Variants in PDE1A observed in about 807,000 individuals in gnomAD.
The protein encoded by PDE1A is phosphodiesterase 1A.
A neutral mutation model predicts 61.7 loss-of-function variants in PDE1A; 35 were observed. That is an observed-to-expected ratio of 0.57 (90% CI 0.43 to 0.75). The LOEUF is 0.75. Ranked by LOEUF, PDE1A falls within the 30% of genes least tolerant of loss-of-function variation. The pLI, the probability that PDE1A is intolerant of heterozygous loss-of-function variation, is 0.00. For synonymous variants in PDE1A, 232 were observed against 213.2 expected, an observed-to-expected ratio of 1.09 and a Z score of -0.77; for missense variants, 597 against 630.6, an observed-to-expected ratio of 0.95 and a Z score of 0.57.
chr2:182,266,897 T>A (rs1257614747), intron 1 of PDE1A, among the ~76,000 whole-genome samples: 1 of 152,144 alleles, frequency 6.6e-6, no homozygotes, highest in Non-Finnish European at 1.5e-5. Context: ...TCCACCTGAA[T>A]GAAATCGCCC....
At chr2:182,454,939 A>C (rs9753060) in intron 2 of PDE1A, among the ~76,000 whole-genome samples, 28,452 of 138,890 alleles carry the variant, frequency 0.2, 3,442 homozygotes, top group Middle Eastern at 0.32. Flanking sequence ...TTCTGCACAA[A>C]AAAAGAAACT....
At chr2:182,458,151 T>C (rs1391229349) in intron 2 of PDE1A, among the ~76,000 whole-genome samples, 1 of 152,050 alleles carries the variant, frequency 6.6e-6, no homozygotes, top group Non-Finnish European at 1.5e-5. Flanking sequence ...CTTGAGATAA[T>C]GTGTAATAAC....
intron 1 of PDE1A, among the ~76,000 whole-genome samples, chr2:182,390,457 A>C (rs886242285): frequency 6.6e-6 from 1 of 152,330 alleles, no homozygotes; most frequent in South Asian, 2.1e-4. Flanking sequence ...TATGTGGAGA[A>C]CCAAGGAATA....
intron 6 of PDE1A, 123 bp from the exon 7 acceptor site, chr2:182,224,087 A>G: frequency 1.6e-6 from 1 of 632,480 alleles, no homozygotes; most frequent in South Asian, 2.1e-5. Flanking sequence ...CATTTCTTTT[A>G]ATTTGTTTCC....
At chr2:182,618,306 C>A in the PDE1A span, among the ~76,000 whole-genome samples, 1 of 152,048 alleles carries the variant, frequency 6.6e-6, no homozygotes, top group Non-Finnish European at 1.5e-5. Flanking sequence ...ACAAAGCTAA[C>A]CTATTATAAT....
chr2:182,280,936 C>T (rs1007871233), intron 1 of PDE1A, among the ~76,000 whole-genome samples: 33 of 151,756 alleles, frequency 2.2e-4, no homozygotes, highest in African/African-American at 4.4e-4. Flanking sequence ...CTAACAATGA[C>T]GAAACAGATA....
intron 1 of PDE1A, among the ~76,000 whole-genome samples, chr2:182,386,848 G>A (rs1324941553): frequency 4.7e-5 from 7 of 149,164 alleles, no homozygotes; most frequent in Non-Finnish European, 8.9e-5. Context: ...GGTGGGGGGC[G>A]CCTCTGCCCG....
intron 1 of PDE1A, among the ~76,000 whole-genome samples, chr2:182,392,802 T>C (rs1701493748): frequency 6.6e-6 from 1 of 152,266 alleles, no homozygotes; most frequent in South Asian, 2.1e-4. Context: ...TCCAAAGTGA[T>C]CTCCTTTGAC....
At chr2:182,485,820 A>C (rs893029229) in intron 2 of PDE1A, among the ~76,000 whole-genome samples, 1 of 152,068 alleles carries the variant, frequency 6.6e-6, no homozygotes, top group Non-Finnish European at 1.5e-5. Flanking sequence ...AAAATTCAAC[A>C]AACAAAGCAT....
At chr2:182,440,817 T>G (rs1415843418) in intron 2 of PDE1A, among the ~76,000 whole-genome samples, 2 of 151,980 alleles carry the variant, frequency 1.3e-5, no homozygotes, top group Non-Finnish European at 2.9e-5. Context: ...TCTCTTCTTT[T>G]CTGTTGATTT....
chr2:182,381,676 G>A (rs1032754263), intron 1 of PDE1A, among the ~76,000 whole-genome samples: 2 of 152,122 alleles, frequency 1.3e-5, no homozygotes, highest in South Asian at 2.1e-4. Flanking sequence ...GCCAGGCATG[G>A]TGGTGCATGC....
chr2:182,426,956 C>T (rs762162775), exon 1 of PDE1A: 75 of 1,048,646 alleles, frequency 7.2e-5, no homozygotes, highest in Non-Finnish European at 8.4e-5. Context: ...ACTTCCTACC[C>T]CAGTGTCATC....
intron 2 of PDE1A, among the ~76,000 whole-genome samples, chr2:182,464,502 T>C (rs541412671): frequency 3.3e-5 from 5 of 152,272 alleles, no homozygotes; most frequent in Non-Finnish European, 5.9e-5. Flanking sequence ...CTATCTAAAA[T>C]AGACTATGCA....
chr2:182,376,979 A>G (rs1328623362), intron 1 of PDE1A, among the ~76,000 whole-genome samples: 1 of 152,222 alleles, frequency 6.6e-6, no homozygotes, highest in Admixed American at 6.5e-5. Flanking sequence ...GATTCAAATT[A>G]TCTTCCACAG....
the PDE1A span, among the ~76,000 whole-genome samples, chr2:182,637,597 T>C: frequency 6.6e-6 from 1 of 152,086 alleles, no homozygotes; most frequent in African/African-American, 2.4e-5. Flanking sequence ...GAGCCTGAAT[T>C]TTCTTACCAA....
rs1478525886 is a variant in PDE1A at position 182,202,157 on chromosome 2, T to C, written c.903-368A>G. 3.2e-4 allele frequency among the ~76,000 whole-genome samples: 48 copies of C among 152,180 alleles called. 1 individual carries two copies. The highest frequency in any genetic ancestry group is 1.5e-5 in the Non-Finnish European group (1 of 68,040). ...CTATTCCAAATACAGTATTATATAG[T>C]ATTTCAATGCTTTGAGGAAAAAAAG... On this transcript the variant is annotated intron_variant, in intron 8 of 13. Transcript: ENST00000351439.
the PDE1A span, among the ~76,000 whole-genome samples, chr2:182,638,256 C>G: frequency 4.6e-5 from 7 of 152,208 alleles, no homozygotes; most frequent in East Asian, 1.9e-4. Flanking sequence ...ATCAGGCATA[C>G]AGTCGGGTGC....
intron 1 of PDE1A, among the ~76,000 whole-genome samples, chr2:182,336,824 G>A (rs1273079070): frequency 1.3e-5 from 2 of 151,562 alleles, no homozygotes; most frequent in African/African-American, 4.9e-5. Flanking sequence ...CACAGAGAGG[G>A]GAACAACACA....
intron 1 of PDE1A, among the ~76,000 whole-genome samples, chr2:182,405,162 C>T (rs1702231691): frequency 6.6e-6 from 1 of 152,186 alleles, no homozygotes; most frequent in Non-Finnish European, 1.5e-5. Flanking sequence ...ATTGTATATG[C>T]TGTCCATTGT....
Sources: gnomAD v4.1 joint callset for allele counts (sites outside exome capture counted in the v4.1 genomes callset) on GRCh38, gnomAD v4.1.1 for gene constraint, MANE v1.5 for transcripts, NCBI Gene and HGNC (gene_info 2026-07-23, HGNC 2026-07-21) for gene names.